Variants in CDHR3 observed in about 807,000 individuals in gnomAD.
CDHR3 encodes cadherin related family member 3.
A neutral mutation model predicts 86.6 loss-of-function variants in CDHR3; 79 were observed. The observed-to-expected ratio is 0.91, with a 90% CI of 0.76 to 1.10. The LOEUF is 1.10. CDHR3 is among the 50% of genes least tolerant of loss of function. The pLI is 0.00. For missense variants in CDHR3, 1,081 were observed against 1,077.6 expected (o/e 1.00, Z -0.04); for synonymous variants, 421 against 402.4 (o/e 1.05, Z -0.55).
intron 15 of CDHR3, among the ~76,000 whole-genome samples, chr7:106,025,238 T>G (rs1837180862): frequency 1.3e-5 from 2 of 152,200 alleles, no homozygotes; most frequent in African/African-American, 4.8e-5. Context: ...GCTCCTTGAT[T>G]CTCAGTAGCT....
At chr7:106,015,004 C>T (rs888525863) in intron 9 of CDHR3, 107 bp from the exon 10 acceptor site, 33 of 825,840 alleles carry the variant, frequency 4.0e-5, no homozygotes, top group Admixed American at 3.1e-4. Context: ...TTGCCAAAAG[C>T]GTTTTGCCAA....
chr7:105,974,706 A>C (rs746219639), intron 1 of CDHR3, 138 bp from the exon 2 acceptor site: 6 of 655,982 alleles, frequency 9.1e-6, no homozygotes, highest in African/African-American at 1.8e-5. Flanking sequence ...ACTTGGCAAG[A>C]GCGTTTGTTC....
At position 106,024,551 on chromosome 7, in the gene CDHR3, C is replaced by T. The variant is rs1295872616; in HGVS notation, c.2247C>T (p.Asn749=). Residue 749 remains asparagine (N), a synonymous_variant, in exon 15 of 19, where the codon AAC becomes AAT. Transcript: ENST00000317716. Reference sequence around the variant, plus strand: ...ACTGCCCCTGCAAGACTGGGAAGAACAAGGAACCTCTGTAAGTTGCCAGTG... The same window carrying T: ...ACTGCCCCTGCAAGACTGGGAAGAATAAGGAACCTCTGTAAGTTGCCAGTG... ...HRHCPCKTGK[N]KEPLTKKGET... The T allele has an allele frequency of 6.8e-6, 11 of 1,613,874 alleles. No homozygotes were observed. Among genetic ancestry groups the T allele is most frequent in the Non-Finnish European group, 5.1e-6 (6 of 1,179,868 alleles).
rs1833178430 is a variant in CDHR3, at chr7:106,001,563, T to A, written c.815T>A (p.Leu272His). The change falls in exon 7 of 19, where the codon CTC (leucine) becomes CAC (histidine). Residue 272 changes from leucine (L) to histidine (H), a missense_variant. Coordinates refer to ENST00000317716, the MANE Select transcript of CDHR3 (RefSeq NM_152750.5). Reference protein sequence around the residue: ...DPDDEGFPSHLLYSITTVSKY... With the variant: ...DPDDEGFPSHHLYSITTVSKY... ...GATGATGAAGGTTTTCCCAGCCACC[T>A]CCTCTACAGCATTACCACTGTTAGC... 4 of 1,613,996 alleles carry A rather than the reference T, an allele frequency of 2.5e-6. No individual in the cohort carries two copies. The highest frequency in any genetic ancestry group is 2.5e-6 in the Non-Finnish European group (3 of 1,179,882).
chr7:105,996,395 C>T (rs765032086), intron 6 of CDHR3, 41 bp downstream of exon 6: 8 of 1,229,990 alleles, frequency 6.5e-6, no homozygotes, highest in South Asian at 2.6e-5. Flanking sequence ...GCCGCAGGTG[C>T]GTCCTTCTTA....
rs1376766342 is a variant in CDHR3, at chr7:106,032,375, G to T, written c.2354-18G>T. On this transcript the variant is annotated intron_variant, in intron 18 of 18. Transcript: ENST00000317716. ...GAATTTTCTGGCTTATGTGATTGTT[G>T]TATTTTTTTTTCACTAGTGACCGGG... 2 of 1,595,288 alleles carry T rather than the reference G, an allele frequency of 1.3e-6. No homozygotes were observed. The highest frequency in any genetic ancestry group is 2.2e-5 in the East Asian group (1 of 44,526).
In CDHR3 at chr7:106,017,893, C is replaced by T. The variant is rs1249452543; in HGVS notation, c.1474C>T (p.Gln492Ter). The T allele has an allele frequency of 6.2e-7, 1 of 1,605,516 alleles. No homozygotes were observed. The highest frequency in any genetic ancestry group is 1.3e-5 in the African/African-American group (1 of 74,674). The change falls in exon 12 of 19, where the codon CAG becomes TAG. Residue 492 changes from glutamine (Q) to a stop codon, truncating the protein, a stop_gained. Coordinates refer to ENST00000317716, the MANE Select transcript of CDHR3 (RefSeq NM_152750.5). LOFTEE classifies it high-confidence loss of function. ...GCGAGCCACTGATAAAGACCTCCCC[C>T]AGAGCAGCCTCCTGTACTCCATCTC... ...QVRATDKDLPQSSLLYSISTG... is the reference protein window; with the variant it reads ...QVRATDKDLP
intron 8 of CDHR3, among the ~76,000 whole-genome samples, chr7:106,008,674 C>A (rs148142989): frequency 1.8e-4 from 27 of 152,242 alleles, no homozygotes; most frequent in African/African-American, 6.5e-4. Flanking sequence ...CACACCTTTA[C>A]GTGCATAAAT....
chr7:105,996,174 C>A, intron 5 of CDHR3, 76 bp from the exon 6 acceptor site: 1 of 787,198 alleles, frequency 1.3e-6, no homozygotes. Context: ...TCCTCCCACC[C>A]CATGATTTTC....
intron 4 of CDHR3, 136 bp from the exon 5 acceptor site, chr7:105,994,615 C>T (rs1053090317): frequency 1.5e-6 from 1 of 677,934 alleles, no homozygotes; most frequent in Admixed American, 2.2e-5. Flanking sequence ...TGGATAACTG[C>T]TCTTTGAACC....
chr7:106,027,582 G>T (rs544041141), intron 16 of CDHR3: 1 of 428,526 alleles, frequency 2.3e-6, no homozygotes, highest in African/African-American at 2.1e-5. Flanking sequence ...CCAGGTCTGA[G>T]GAGGTGTCCT....
intron 1 of CDHR3, among the ~76,000 whole-genome samples, chr7:105,968,029 C>T (rs1324608196): frequency 2.6e-5 from 4 of 152,300 alleles, no homozygotes; most frequent in African/African-American, 9.6e-5. Context: ...AAGTCCTTGC[C>T]CATGCCTATG....
In CDHR3 at chr7:106,001,483, C is replaced by G. The variant is rs1414657312; in HGVS notation, c.735C>G (p.Val245=). The G allele has an allele frequency of 6.2e-7, 1 of 1,613,900 alleles. No individual in the cohort carries two copies. Among genetic ancestry groups the G allele is most frequent in the Non-Finnish European group, 8.5e-7 (1 of 1,179,886 alleles). Residue 245 remains valine, a synonymous_variant, in exon 7 of 19, where the codon GTC becomes GTG. Coordinates refer to ENST00000317716, the MANE Select transcript of CDHR3 (RefSeq NM_152750.5). ...RFTSPTRVYT[V]LEELSPGTIV... ...CCAGCCCGACACGAGTGTACACAGT[C>G]CTGGAGGAACTGAGTCCAGGAACCA...
At chr7:105,975,909 A>G (rs147791273) in intron 2 of CDHR3, among the ~76,000 whole-genome samples, 23 of 152,256 alleles carry the variant, frequency 1.5e-4, no homozygotes, top group Middle Eastern at 6.8e-3. Flanking sequence ...AACTCAGCTT[A>G]TCATTAGTCA....
Position 105,987,179 on chromosome 7 carries a change from A to G in CDHR3, c.513+2890A>G, listed in dbSNP as rs562508871. On this transcript the variant is annotated intron_variant, in intron 4 of 18. Transcript: ENST00000317716. ...TGCCCAGGTAGGAAACAACTGCAGC[A>G]GGTGTTGCTCCCTTCAGAAAAAAAA... Among the ~76,000 whole-genome samples, 61 of 152,322 alleles carry G rather than the reference A, an allele frequency of 4.0e-4. 1 individual carries two copies. In the South Asian group the frequency reaches 0.012, roughly 29 times the overall value.
At chr7:106,016,561 T>C (rs1835655431) in intron 11 of CDHR3, among the ~76,000 whole-genome samples, 1 of 152,166 alleles carries the variant, frequency 6.6e-6, no homozygotes, top group African/African-American at 2.4e-5. Context: ...CAGCTTCACT[T>C]TCTGCCTCCC....
intron 5 of CDHR3, among the ~76,000 whole-genome samples, chr7:105,995,486 G>T (rs1176155266): frequency 6.6e-6 from 1 of 152,174 alleles, no homozygotes; most frequent in African/African-American, 2.4e-5. Context: ...AAGAGTCTTT[G>T]ATTTGGGCAG....
chr7:105,985,251 G>T (rs1390175349), intron 4 of CDHR3, among the ~76,000 whole-genome samples: 2 of 152,156 alleles, frequency 1.3e-5, no homozygotes, highest in African/African-American at 4.8e-5. Context: ...CCTCTTAGTT[G>T]TTCCCTGGGA....
chr7:106,028,461 T>C (rs1346398996), intron 16 of CDHR3, 90 bp from the exon 17 acceptor site: 1 of 1,376,636 alleles, frequency 7.3e-7, no homozygotes, highest in Non-Finnish European at 1.0e-6. Flanking sequence ...GATCGAAGCC[T>C]ATTTAGGGGA....
Sources: gnomAD v4.1 joint callset for allele counts (sites outside exome capture counted in the v4.1 genomes callset) on GRCh38, gnomAD v4.1.1 for gene constraint, MANE v1.5 for transcripts, NCBI Gene and HGNC (gene_info 2026-07-23, HGNC 2026-07-21) for gene names.